Variants in TENT2 observed in about 807,000 individuals in gnomAD.
The protein encoded by TENT2 is poly(A) RNA polymerase GLD2.
A neutral mutation model predicts 72.2 loss-of-function variants in TENT2; 44 were observed. The ratio of observed to expected loss-of-function variants is 0.61; its 90% CI spans 0.48 to 0.78. TENT2 has a LOEUF of 0.78. Ranked by LOEUF, TENT2 falls within the 30% of genes least tolerant of loss-of-function variation. TENT2 has a pLI of 0.00. For missense variants in TENT2, 541 were observed against 569.6 expected (o/e 0.95, Z 0.51); for synonymous variants, 212 against 192.5 (o/e 1.10, Z -0.84).
intron 7 of TENT2, among the ~76,000 whole-genome samples, chr5:79,643,725 T>C (rs1161371074): frequency 6.6e-6 from 1 of 152,180 alleles, no homozygotes; most frequent in Non-Finnish European, 1.5e-5. Flanking sequence ...TCATACCTAC[T>C]TGAATTTTTA....
chr5:79,642,986 G>A (rs1580382690), intron 7 of TENT2, 76 bp downstream of exon 7: 1 of 1,546,680 alleles, frequency 6.5e-7, no homozygotes, highest in East Asian at 2.3e-5. Flanking sequence ...TTATCTTCTG[G>A]TAAGAACTGT....
At chr5:79,659,347 A>G (rs1258948677) in intron 11 of TENT2, among the ~76,000 whole-genome samples, 1 of 151,164 alleles carries the variant, frequency 6.6e-6, no homozygotes, top group African/African-American at 2.4e-5. Context: ...AGCCTGGCCA[A>G]GATAGTGAAA....
intron 11 of TENT2, among the ~76,000 whole-genome samples, chr5:79,660,044 A>G (rs1215910735): frequency 1.3e-5 from 2 of 152,156 alleles, no homozygotes; most frequent in Admixed American, 1.3e-4. Flanking sequence ...TATTTTTAAA[A>G]TAAGAGAAAA....
At position 79,687,323 on chromosome 5, in the gene TENT2, C is replaced by G. The variant is rs566058661; in HGVS notation, c.*2050C>G. Among the ~76,000 whole-genome samples the G allele has an allele frequency of 5.9e-5, 9 of 152,114 alleles. No homozygotes were observed. In the South Asian group the frequency reaches 1.7e-3, roughly 28 times the overall value. On this transcript the variant is annotated 3_prime_UTR_variant, in exon 15 of 15. Coordinates refer to ENST00000453514, the MANE Select transcript of TENT2 (RefSeq NM_001114394.3). ...ATCTCAATTATTTGTGTGGTGAGTA[C>G]TAAATTATTTTCTGTTTGTGTTGAT...
chr5:79,622,556 G>C (rs74555584), intron 3 of TENT2, among the ~76,000 whole-genome samples: 1,933 of 152,106 alleles, frequency 0.013, 53 homozygotes, highest in African/African-American at 0.043. Context: ...TTTTACATTT[G>C]ATTTCTTTCT....
intron 1 of TENT2, among the ~76,000 whole-genome samples, chr5:79,615,489 GTC>G (rs1183768203): frequency 6.6e-6 from 1 of 152,224 alleles, no homozygotes; most frequent in East Asian, 1.9e-4. Flanking sequence ...GATTTGTAGT[GTC>G]TATTCCAACA....
intron 10 of TENT2, among the ~76,000 whole-genome samples, chr5:79,649,511 T>G (rs1331457714): frequency 1.3e-5 from 2 of 152,020 alleles, no homozygotes; most frequent in Admixed American, 1.3e-4. Flanking sequence ...AAAAGTTAGC[T>G]CAAGTACTAT....
At chr5:79,664,636 A>AT (rs1805873140) in intron 11 of TENT2, among the ~76,000 whole-genome samples, 2 of 151,158 alleles carry the variant, frequency 1.3e-5, no homozygotes, top group Admixed American at 6.6e-5. Context: ...TGGTGGAGAT[A>AT]TTTTTTTTAA....
intron 11 of TENT2, among the ~76,000 whole-genome samples, chr5:79,667,931 CTT>C (rs780161442): frequency 3.8e-4 from 50 of 130,210 alleles, no homozygotes; most frequent in East Asian, 4.3e-4. Flanking sequence ...TAACTAATTG[CTT>C]TTTTTTTTTT....
chr5:79,618,534 C>T (rs934989438), intron 1 of TENT2, among the ~76,000 whole-genome samples: 1 of 152,010 alleles, frequency 6.6e-6, no homozygotes, highest in African/African-American at 2.4e-5. Context: ...ACATCCGGCC[C>T]CTTTCTTTTT....
At chr5:79,623,159 T>G in intron 3 of TENT2, 93 bp from the exon 4 acceptor site, 2 of 840,640 alleles carry the variant, frequency 2.4e-6, no homozygotes, top group Non-Finnish European at 3.6e-6. Context: ...ATATTGTCAT[T>G]ATCTCTTATG....
rs553173927 is a variant in TENT2 at position 79,653,702 on chromosome 5, A to G, written c.1028-3256A>G. ...CTAATGTGTATCTCTATACTGGCAAATTTAAGCTACTCCTCCCTAGAAGAA... is the reference window on the plus strand; with the variant it reads ...CTAATGTGTATCTCTATACTGGCAAGTTTAAGCTACTCCTCCCTAGAAGAA... On this transcript the variant is annotated intron_variant, in intron 10 of 14. Coordinates refer to ENST00000453514, the MANE Select transcript of TENT2 (RefSeq NM_001114394.3). 7.2e-5 allele frequency among the ~76,000 whole-genome samples: 11 copies of G among 152,242 alleles called. No individual in the cohort carries two copies. In the East Asian group the frequency reaches 2.1e-3, roughly 29 times the overall value.
chr5:79,685,371 A>G lies in TENT2; in HGVS notation c.*98A>G. ...CCTCCATCATAGTTGCTTTTTTCAT[A>G]GTTCTTGTTTTCATGTTTTATTTTT... is the stretch of plus-strand genomic sequence containing the variant. On this transcript the variant is annotated 3_prime_UTR_variant, in exon 15 of 15. Coordinates refer to ENST00000453514, the MANE Select transcript of TENT2 (RefSeq NM_001114394.3). The G allele has an allele frequency of 8.7e-6, 7 of 801,498 alleles. No individual in the cohort carries two copies. Among genetic ancestry groups the G allele is most frequent in the Non-Finnish European group, 1.1e-5 (6 of 526,304 alleles). 49.6% of individuals were successfully genotyped at this position (801,498 alleles called of 1,614,324 possible).
chr5:79,619,378 G>A (rs1336795193), intron 1 of TENT2, among the ~76,000 whole-genome samples: 3 of 152,164 alleles, frequency 2.0e-5, no homozygotes, highest in Non-Finnish European at 4.4e-5. Flanking sequence ...AAATTAATCA[G>A]AAAATTAGAA....
chr5:79,686,585 TCTTC>T lies in TENT2; in HGVS notation c.*1316_*1319del, dbSNP rs1826105872. 1 of 152,144 alleles carries T rather than the reference TCTTC, an allele frequency of 6.6e-6. No homozygotes were observed. Among genetic ancestry groups the T allele is most frequent in the Non-Finnish European group, 1.5e-5 (1 of 67,994 alleles). The allele number at this position is 152,144 out of a possible 1,614,324, so 9.4% of individuals were successfully genotyped here. Reference sequence around the variant, plus strand: ...TTGTAAAAGGTGCACATTTTCATTTTCTTCCTTAAGTTCAAATTTTTGTATGATG... The same window carrying T: ...TTGTAAAAGGTGCACATTTTCATTTTCTTAAGTTCAAATTTTTGTATGATG... On this transcript the variant is annotated 3_prime_UTR_variant, in exon 15 of 15. Coordinates refer to ENST00000453514, the MANE Select transcript of TENT2 (RefSeq NM_001114394.3).
chr5:79,636,037 A>G (rs899199127), intron 4 of TENT2, among the ~76,000 whole-genome samples: 2 of 152,164 alleles, frequency 1.3e-5, no homozygotes, highest in Non-Finnish European at 2.9e-5. Flanking sequence ...CTTTTTAACA[A>G]TGACTAAAAG....
At chr5:79,668,748 A>T in intron 11 of TENT2, 144 bp from the exon 12 acceptor site, 1 of 871,868 alleles carries the variant, frequency 1.1e-6, no homozygotes, top group Non-Finnish European at 1.7e-6. Flanking sequence ...TCTTTAGTGG[A>T]AGAAAAATTT....
At chr5:79,666,551 C>G (rs1341600231) in intron 11 of TENT2, among the ~76,000 whole-genome samples, 1 of 151,538 alleles carries the variant, frequency 6.6e-6, no homozygotes, top group African/African-American at 2.4e-5. Context: ...ATCACCATGC[C>G]CAGCTAATCT....
intron 4 of TENT2, among the ~76,000 whole-genome samples, chr5:79,638,326 G>A (rs1045201985): frequency 1.3e-5 from 2 of 151,976 alleles, no homozygotes; most frequent in Non-Finnish European, 2.9e-5. Flanking sequence ...GCCTGGTCCT[G>A]TTATAATAAA....
Sources: gnomAD v4.1 joint callset for allele counts (sites outside exome capture counted in the v4.1 genomes callset) on GRCh38, gnomAD v4.1.1 for gene constraint, MANE v1.5 for transcripts, NCBI Gene and HGNC (gene_info 2026-07-23, HGNC 2026-07-21) for gene names.